ATP10A: variants seen among roughly 807,000 people sequenced by gnomAD.
ATP10A encodes the protein phospholipid-transporting ATPase VA.
In ATP10A, 111 loss-of-function variants were observed where a neutral mutation model predicts 147.8. The ratio of observed to expected loss-of-function variants is 0.75; its 90% CI spans 0.64 to 0.88. The LOEUF (loss-of-function observed/expected upper bound fraction) is 0.88. Ranked by LOEUF, ATP10A falls within the 40% of genes least tolerant of loss-of-function variation. The pLI is 0.00. For synonymous variants in ATP10A, 875 were observed against 841.6 expected, an observed-to-expected ratio of 1.04 and a Z score of -0.69; for missense variants, 1,927 against 1,959.0, an observed-to-expected ratio of 0.98 and a Z score of 0.31.
At chr15:25,859,028 G>A (rs987731070) in intron 1 of ATP10A, among the ~76,000 whole-genome samples, 1 of 152,174 alleles carries the variant, frequency 6.6e-6, no homozygotes, top group African/African-American at 2.4e-5. Flanking sequence ...CTGATTTAAG[G>A]TTTCCCCCCT....
chr15:25,788,068 C>T (rs7182266), intron 1 of ATP10A, among the ~76,000 whole-genome samples: 21,583 of 152,128 alleles, frequency 0.14, 1,874 homozygotes, highest in African/African-American at 0.24. Flanking sequence ...GTGCTCCCAA[C>T]GTGGGCAGGG....
intron 2 of ATP10A, among the ~76,000 whole-genome samples, chr15:25,744,197 C>T (rs180819353): frequency 6.6e-6 from 1 of 152,240 alleles, no homozygotes; most frequent in Non-Finnish European, 1.5e-5. Context: ...TCCTTTTGTG[C>T]AGCTGCTACC....
chr15:25,761,762 G>A (rs1018617048), intron 2 of ATP10A, among the ~76,000 whole-genome samples: 2 of 152,216 alleles, frequency 1.3e-5, no homozygotes, highest in Admixed American at 1.3e-4. Flanking sequence ...TTCCCCCATT[G>A]TATCTAGGAG....
intron 2 of ATP10A, among the ~76,000 whole-genome samples, chr15:25,749,060 CAAAA>C (rs1171259548): frequency 1.3e-4 from 9 of 67,482 alleles, no homozygotes; most frequent in South Asian, 5.9e-4. Context: ...GAGACTCTGT[CAAAA>C]AAAAAAAAAA....
In ATP10A at chr15:25,770,515, G is replaced by A. The variant is rs370532160; in HGVS notation, c.654+10504C>T. ...TGCCAAGAGAACTAAATGAATGAGG[G>A]CCTCACACAGGCAAGTGCCCAGTGT... On this transcript the variant is annotated intron_variant, in intron 2 of 20. Coordinates refer to ENST00000555815, the MANE Select transcript of ATP10A (RefSeq NM_024490.4). 2.0e-3 allele frequency among the ~76,000 whole-genome samples: 311 copies of A among 152,310 alleles called. 1 individual carries two copies. The highest frequency in any genetic ancestry group is 7.0e-3 in the African/African-American group (293 of 41,566).
intron 1 of ATP10A, among the ~76,000 whole-genome samples, chr15:25,799,834 A>C (rs1481909018): frequency 6.6e-6 from 1 of 152,250 alleles, no homozygotes; most frequent in Non-Finnish European, 1.5e-5. Context: ...TTTATAATGA[A>C]GTATTTATCA....
intron 16 of ATP10A, among the ~76,000 whole-genome samples, chr15:25,685,824 TAAAAA>T (rs34929669): frequency 7.2e-6 from 1 of 139,302 alleles, no homozygotes; most frequent in Non-Finnish European, 1.6e-5. Context: ...ACCCTGTCTT[TAAAAA>T]AAAAAAAAAA....
In ATP10A at chr15:25,679,201, T is replaced by C. The variant is rs1899221279; in HGVS notation, c.*140A>G. On this transcript the variant is annotated 3_prime_UTR_variant, in exon 21 of 21. Transcript: ENST00000555815. Reference sequence around the variant, plus strand: ...TTAGAATTTTAAAAAATAAACTTTCTTTTTTGGTACCTCTTGTTTCCTGTA... The same window carrying C: ...TTAGAATTTTAAAAAATAAACTTTCCTTTTTGGTACCTCTTGTTTCCTGTA... 1 of 657,510 alleles carries C rather than the reference T, an allele frequency of 1.5e-6. No individual in the cohort carries two copies. The highest frequency in any genetic ancestry group is 2.1e-6 in the Non-Finnish European group (1 of 476,214). The allele number at this position is 657,510 out of a possible 1,614,324, so 40.7% of individuals were successfully genotyped here.
chr15:25,714,683 C>T (rs974829280), intron 9 of ATP10A, among the ~76,000 whole-genome samples: 1 of 152,058 alleles, frequency 6.6e-6, no homozygotes, highest in Non-Finnish European at 1.5e-5. Flanking sequence ...GCTGTCCCTG[C>T]ACTACAGTGT....
At chr15:25,753,095 G>A (rs889512220) in intron 2 of ATP10A, among the ~76,000 whole-genome samples, 1 of 152,170 alleles carries the variant, frequency 6.6e-6, no homozygotes, top group Non-Finnish European at 1.5e-5. Flanking sequence ...TTTGTGGTAA[G>A]AACGTTTGAA....
At chr15:25,718,877 AG>A (rs917580292) in intron 7 of ATP10A, among the ~76,000 whole-genome samples, 18 of 152,094 alleles carry the variant, frequency 1.2e-4, no homozygotes, top group Non-Finnish European at 2.2e-4. Flanking sequence ...GCTATGGCAC[AG>A]GGGGGCTCAC....
chr15:25,779,845 A>AACACACACAC (rs56111172), intron 2 of ATP10A, among the ~76,000 whole-genome samples: 6,092 of 147,272 alleles, frequency 0.041, 296 homozygotes, highest in African/African-American at 0.1. Flanking sequence ...AGAAGGTTAA[A>AACACACACAC]ACACACACAC....
intron 7 of ATP10A, among the ~76,000 whole-genome samples, chr15:25,721,297 A>G (rs1446480891): frequency 1.3e-5 from 2 of 152,202 alleles, no homozygotes; most frequent in Non-Finnish European, 2.9e-5. Flanking sequence ...AAATGGATGG[A>G]TGACAACAGA....
chr15:25,721,372 G>C (rs1402457435), intron 7 of ATP10A, among the ~76,000 whole-genome samples: 1 of 152,192 alleles, frequency 6.6e-6, no homozygotes, highest in Admixed American at 6.5e-5. Context: ...TGAGCTCCTT[G>C]CGGGTGGCTT....
At chr15:25,705,758 G>A (rs572653334) in intron 12 of ATP10A, among the ~76,000 whole-genome samples, 24 of 152,346 alleles carry the variant, frequency 1.6e-4, no homozygotes, top group African/African-American at 5.8e-4. Context: ...CACCTTGGCT[G>A]ACTTCAATCT....
Position 25,802,236 on chromosome 15 carries a change from G to A in ATP10A, c.450-21013C>T, listed in dbSNP as rs574859269. Reference sequence around the variant, plus strand: ...GTGTGCCTGCGCCGCAGCACAGACCGAGCTGTTCTCAACGTCGGAATCTCA... The same window carrying A: ...GTGTGCCTGCGCCGCAGCACAGACCAAGCTGTTCTCAACGTCGGAATCTCA... On this transcript the variant is annotated intron_variant, in intron 1 of 20. Transcript: ENST00000555815. Among the ~76,000 whole-genome samples the A allele has an allele frequency of 2.0e-4, 30 of 152,310 alleles. No homozygotes were observed. In the South Asian group the frequency reaches 4.6e-3, roughly 23 times the overall value.
chr15:25,765,816 C>T lies in ATP10A; in HGVS notation c.654+15203G>A, dbSNP rs555024854. Among the ~76,000 whole-genome samples, 10 of 152,306 alleles carry T rather than the reference C, an allele frequency of 6.6e-5. No individual in the cohort carries two copies. The East Asian group carries it at 1.9e-3, about 29-fold the overall frequency. ...CCTGGTGCCGGTCTCACCTTTCCTC[C>T]AGTAGCCTGCCTTTCAATGACAGCA... On this transcript the variant is annotated intron_variant, in intron 2 of 20. Transcript: ENST00000555815.
chr15:25,845,973 C>T (rs1239010580), intron 1 of ATP10A, among the ~76,000 whole-genome samples: 3 of 152,120 alleles, frequency 2.0e-5, no homozygotes, highest in African/African-American at 4.8e-5. Context: ...GAATGGTGTC[C>T]GCCTCAGAAA....
At chr15:25,732,126 CCTCCCAA>C (rs1357368998) in intron 3 of ATP10A, among the ~76,000 whole-genome samples, 8 of 152,188 alleles carry the variant, frequency 5.3e-5, no homozygotes, top group Non-Finnish European at 1.5e-5. Context: ...CCCATCTAGG[CCTCCCAA>C]AGGATTACAG....
Sources: allele counts gnomAD v4.1 joint callset (sites outside exome capture counted in the v4.1 genomes callset), GRCh38; gene constraint gnomAD v4.1.1; transcripts MANE v1.5; gene names NCBI Gene and HGNC (gene_info 2026-07-23, HGNC 2026-07-21).